The following CSF2RA variants were observed in gnomAD, a reference collection of about 807,000 sequenced individuals.
The protein encoded by CSF2RA is colony stimulating factor 2 receptor subunit alpha.
In CSF2RA, 42 loss-of-function variants were observed where a neutral mutation model predicts 51.6. The observed-to-expected ratio is 0.81, with a 90% CI of 0.64 to 1.05. The LOEUF (loss-of-function observed/expected upper bound fraction) is 1.05. Ranked by LOEUF, CSF2RA falls within the 50% of genes least tolerant of loss-of-function variation. CSF2RA has a pLI of 0.00. For missense variants in CSF2RA, 530 were observed against 501.1 expected, an observed-to-expected ratio of 1.06 and a Z score of -0.55; for synonymous variants, 222 against 193.0, an observed-to-expected ratio of 1.15 and a Z score of -1.24.
intron 2 of CSF2RA, among the ~76,000 whole-genome samples, chrX:1,278,060 G>T (rs28886324): frequency 0.12 from 18,186 of 150,420 alleles, 2,183 homozygotes; most frequent in African/African-American, 0.33. Flanking sequence ...GAGGCCAGGC[G>T]CAGTGGCTCA....
chrX:1,296,538 C>A (rs753500917), intron 9 of CSF2RA, among the ~76,000 whole-genome samples: 1 of 22,340 alleles, frequency 4.5e-5, no homozygotes, highest in Non-Finnish European at 1.0e-4. Flanking sequence ...CAGTCCCCTA[C>A]TCACGACCCC....
chrX:1,301,912 C>CT lies in CSF2RA; in HGVS notation c.946+1308dup, dbSNP rs1158872719. ...TGAGCCACCGTGCCCGGCCCTCCCTCTTTTTTTTTTTTTTTTTTTTTTAGA... is the reference window on the plus strand; with the variant it reads ...TGAGCCACCGTGCCCGGCCCTCCCTCTTTTTTTTTTTTTTTTTTTTTTTAGA... On this transcript the variant is annotated intron_variant, in intron 10 of 12. Coordinates refer to ENST00000381529, the MANE Select transcript of CSF2RA (RefSeq NM_172245.4). Among the ~76,000 whole-genome samples the CT allele has an allele frequency of 6.4e-3, 661 of 103,628 alleles. 8 individuals carry two copies. The highest frequency in any genetic ancestry group is 0.019 in the East Asian group (62 of 3,236). 68.0% of individuals were successfully genotyped at this position (103,628 alleles called of 152,430 possible).
At chrX:1,314,541 C>T (rs1220952833), downstream of CSF2RA, among the ~76,000 whole-genome samples, 4 of 114,964 alleles carry the variant, frequency 3.5e-5, no homozygotes, top group East Asian at 2.8e-4. Context: ...CTGCACCTGC[C>T]CAATCCCACT....
intron 8 of CSF2RA, among the ~76,000 whole-genome samples, chrX:1,294,735 C>T (rs1249213246): frequency 5.3e-5 from 8 of 151,902 alleles, no homozygotes; most frequent in Non-Finnish European, 8.8e-5. Flanking sequence ...GGGACGATGC[C>T]ACAAGCAAGG....
At chrX:1,277,593 CAAAAAAAAAAA>C (rs749833246) in intron 2 of CSF2RA, among the ~76,000 whole-genome samples, 1 of 70,436 alleles carries the variant, frequency 1.4e-5, no homozygotes, top group African/African-American at 6.2e-5. Context: ...AAGTCCATCT[CAAAAAAAAAAA>C]AAAAAAAAAA....
At position 1,275,126 on chromosome X, in the gene CSF2RA, C is replaced by T. The variant is rs1304232461; in HGVS notation, c.-27+308C>T. On this transcript the variant is annotated intron_variant, in intron 2 of 12. Transcript: ENST00000381529. ...AAAAAGAGCCGGCCGGGCGCAGTGG[C>T]TCAAGCCTGTAATCCCAGCACTGTG... Among the ~76,000 whole-genome samples the T allele has an allele frequency of 3.9e-4, 59 of 150,150 alleles. 1 individual carries two copies. Among genetic ancestry groups the T allele is most frequent in the Non-Finnish European group, 6.2e-4 (42 of 67,804 alleles).
At chrX:1,269,107 T>A (rs763652834) in intron 1 of CSF2RA, among the ~76,000 whole-genome samples, 4 of 151,642 alleles carry the variant, frequency 2.6e-5, no homozygotes, top group Non-Finnish European at 5.9e-5. Context: ...AAGGCAAAAT[T>A]AAAAAAATAA....
At chrX:1,321,852 G>A in the CSF2RA span, among the ~76,000 whole-genome samples, 1 of 152,058 alleles carries the variant, frequency 6.6e-6, no homozygotes, top group Non-Finnish European at 1.5e-5. Context: ...AGTATCAGCC[G>A]GGTGCGGTGG....
At chrX:1,320,280 G>A in the CSF2RA span, among the ~76,000 whole-genome samples, 34 of 151,852 alleles carry the variant, frequency 2.2e-4, no homozygotes, top group Non-Finnish European at 4.3e-4. Flanking sequence ...CACCCGCCTC[G>A]GCCTCCCAAA....
chrX:1,276,894 A>T (rs2089254974), intron 2 of CSF2RA, among the ~76,000 whole-genome samples: 2 of 151,320 alleles, frequency 1.3e-5, no homozygotes, highest in Non-Finnish European at 2.9e-5. Context: ...AGGTCAGGAG[A>T]TCGAGACCAT....
chrX:1,309,291 G>C (rs1172227435), intron 12 of CSF2RA, 111 bp from the exon 13 acceptor site: 1 of 1,148,452 alleles, frequency 8.7e-7, no homozygotes, highest in Non-Finnish European at 1.3e-6. Context: ...CTCCAGCCTG[G>C]GCAATAGAAT....
intron 3 of CSF2RA, among the ~76,000 whole-genome samples, chrX:1,284,086 T>C (rs2090353184): frequency 6.6e-6 from 1 of 152,046 alleles, no homozygotes; most frequent in South Asian, 2.1e-4. Context: ...TTCAGCTTTA[T>C]ATTAAACTGC....
chrX:1,296,041 C>A lies in CSF2RA; in HGVS notation c.810+585C>A, dbSNP rs188177923. Among the ~76,000 whole-genome samples, 343 of 151,116 alleles carry A rather than the reference C, an allele frequency of 2.3e-3. 2 individuals are homozygous for A. Among genetic ancestry groups the A allele is most frequent in the Admixed American group, 4.0e-3 (60 of 15,164 alleles). On this transcript the variant is annotated intron_variant, in intron 9 of 12. Transcript: ENST00000381529. ...GACGCCTACAGTTCCCTATTCATGA[C>A]CCCTAGCGTAACCATACAGTCCCCT... is the stretch of plus-strand genomic sequence containing the variant.
At chrX:1,282,569 C>T in intron 2 of CSF2RA, 109 bp from the exon 3 acceptor site, 1 of 826,860 alleles carries the variant, frequency 1.2e-6, no homozygotes, top group East Asian at 2.4e-5. Context: ...AGGTCAGCGG[C>T]TGACCACCAT....
Position 1,300,600 on chromosome X carries a change from G to T in CSF2RA, c.920G>T (p.Ser307Ile), listed in dbSNP as rs754159434. 1.9e-6 allele frequency: 3 copies of T among 1,613,918 alleles called. No homozygotes were observed. In the Admixed American group the frequency reaches 5.0e-5, roughly 27 times the overall value. ...RAADVRILNW[S>I]SWSEAIEFGS... The stretch of plus-strand genomic sequence containing the variant: ...GCAGACGTCCGCATCTTGAATTGGA[G>T]CTCCTGGAGTGAAGCCATTGAATTT... Residue 307 changes from serine to isoleucine, a missense_variant, in exon 10 of 13, where the codon AGC becomes ATC. Ser to Ile is a moderately radical substitution (Grantham distance 142, BLOSUM62 -2). Transcript: ENST00000381529.
chrX:1,285,809 C>G lies in CSF2RA; in HGVS notation c.108C>G (p.Leu36=). Residue 36 remains leucine (L), a synonymous_variant, in exon 4 of 13, where the codon CTC becomes CTG. Coordinates refer to ENST00000381529, the MANE Select transcript of CSF2RA (RefSeq NM_172245.4). The part of the protein sequence containing the change: ...DLRTVAPASS[L]NVRFDSRTMN... ...GAACAGTGGCACCAGCCTCTAGTCT[C>G]AATGTGAGGTTTGACTCCAGGACGA... 3 of 1,610,694 alleles carry G rather than the reference C, an allele frequency of 1.9e-6. No homozygotes were observed. Among genetic ancestry groups the G allele is most frequent in the Non-Finnish European group, 2.5e-6 (3 of 1,178,318 alleles).
At chrX:1,302,559 C>CA (rs750633386) in intron 10 of CSF2RA, among the ~76,000 whole-genome samples, 8 of 152,266 alleles carry the variant, frequency 5.3e-5, no homozygotes, top group Admixed American at 2.0e-4. Flanking sequence ...GGCTGGAGTG[C>CA]AATGGCACGA....
downstream of CSF2RA, among the ~76,000 whole-genome samples, chrX:1,314,886 ACCACAC>A (rs2084473678): frequency 1.2e-4 from 9 of 74,016 alleles, 1 homozygote; most frequent in African/African-American, 3.4e-4. Flanking sequence ...CACCTGCCCA[ACCACAC>A]TGAACCTGCT....
intron 2 of CSF2RA, among the ~76,000 whole-genome samples, chrX:1,281,555 C>G (rs2090077625): frequency 6.6e-6 from 1 of 151,668 alleles, no homozygotes; most frequent in East Asian, 1.9e-4. Flanking sequence ...TGCACCTTTC[C>G]TCCTCCTCCT....
Sources: allele counts gnomAD v4.1 joint callset (sites outside exome capture counted in the v4.1 genomes callset), GRCh38; gene constraint gnomAD v4.1.1; transcripts MANE v1.5; gene names NCBI Gene and HGNC (gene_info 2026-07-23, HGNC 2026-07-21).